TLK2: variants seen among roughly 807,000 people sequenced by gnomAD.
The protein encoded by TLK2 is tousled like kinase 2.
TLK2 carries 6 observed loss-of-function variants against 117.3 expected under a neutral mutation model. The ratio of observed to expected loss-of-function variants is 0.05; its 90% CI spans 0.03 to 0.10. TLK2 has a LOEUF of 0.10. TLK2 is among the 10% of genes least tolerant of loss of function. The pLI, the probability that TLK2 is intolerant of heterozygous loss-of-function variation, is 1.00. For synonymous variants in TLK2, 257 were observed against 316.7 expected (o/e 0.81, Z 2.00); for missense variants, 299 against 901.2 (o/e 0.33, Z 8.56).
At position 62,565,148 on chromosome 17, in the gene TLK2, T is replaced by G. The variant is rs200243291; in HGVS notation, c.968+11T>G. On this transcript the variant is annotated intron_variant, in intron 11 of 21. Coordinates refer to ENST00000346027, the MANE Select transcript of TLK2 (RefSeq NM_006852.6). ...TCAGAATCTTATCAAGTAAGTGAAT[T>G]GTTATGATTAAATGGAGAATTGAAA... The G allele has an allele frequency of 2.3e-5, 37 of 1,594,580 alleles. No homozygotes were observed. Among genetic ancestry groups the G allele is most frequent in the Non-Finnish European group, 2.5e-5 (29 of 1,174,958 alleles).
At chr17:62,561,538 GTACTTCC>G (rs2079277041) in intron 10 of TLK2, among the ~76,000 whole-genome samples, 1 of 152,194 alleles carries the variant, frequency 6.6e-6, no homozygotes, top group African/African-American at 2.4e-5. Flanking sequence ...TAAGAAGACA[GTACTTCC>G]TAATGACAAT....
intron 6 of TLK2, among the ~76,000 whole-genome samples, chr17:62,525,417 G>A (rs1292778246): frequency 3.3e-5 from 5 of 151,658 alleles, no homozygotes. Context: ...AGAAGTTTTG[G>A]CTATTACTGT....
At chr17:62,527,932 G>A (rs1272575618) in intron 6 of TLK2, among the ~76,000 whole-genome samples, 5 of 151,916 alleles carry the variant, frequency 3.3e-5, no homozygotes, top group South Asian at 2.1e-4. Flanking sequence ...TAGTAGAGAC[G>A]GGGTTTCACC....
chr17:62,602,567 TTTGTCTCAAGAG>T (rs1391487780), intron 19 of TLK2, among the ~76,000 whole-genome samples: 3 of 152,096 alleles, frequency 2.0e-5, no homozygotes, highest in African/African-American at 7.2e-5. Flanking sequence ...GGATAAGGGA[TTTGTCTCAAGAG>T]TTGCCTGAGG....
chr17:62,592,212 G>A (rs924020882), intron 16 of TLK2, among the ~76,000 whole-genome samples: 1 of 151,962 alleles, frequency 6.6e-6, no homozygotes, highest in Non-Finnish European at 1.5e-5. Flanking sequence ...GCCCACCTCA[G>A]CCTCCCAAAG....
chr17:62,574,914 A>G (rs1205942880), intron 12 of TLK2, among the ~76,000 whole-genome samples: 1 of 152,222 alleles, frequency 6.6e-6, no homozygotes, highest in East Asian at 1.9e-4. Flanking sequence ...TGAGTCTTAA[A>G]TATAAAGTAT....
intron 2 of TLK2, among the ~76,000 whole-genome samples, chr17:62,509,174 G>A (rs1409195918): frequency 6.6e-6 from 1 of 151,924 alleles, no homozygotes; most frequent in Non-Finnish European, 1.5e-5. Context: ...CTGCAGCCTC[G>A]ACCTCCTGGG....
At chr17:62,603,857 T>C (rs1165778343) in intron 19 of TLK2, among the ~76,000 whole-genome samples, 1 of 152,190 alleles carries the variant, frequency 6.6e-6, no homozygotes, top group Non-Finnish European at 1.5e-5. Flanking sequence ...GTAGAAATAC[T>C]GTCATAATCA....
intron 19 of TLK2, among the ~76,000 whole-genome samples, chr17:62,604,104 A>G (rs1027126975): frequency 6.6e-6 from 1 of 151,878 alleles, no homozygotes; most frequent in Admixed American, 6.6e-5. Flanking sequence ...TCCCGAGTTC[A>G]AGTGATTCTC....
At chr17:62,549,910 T>TCCACCTG (rs1293228647) in intron 7 of TLK2, 3 of 151,272 alleles carry the variant, frequency 2.0e-5, no homozygotes, top group Non-Finnish European at 2.9e-5. Context: ...TCTTAGCTGA[T>TCCACCTG]CCACCTGCCT....
At chr17:62,540,416 T>TTTTTTTTTTTTTTTTTTTTTTTTTTC (rs2077445739) in intron 7 of TLK2, among the ~76,000 whole-genome samples, 1 of 105,934 alleles carries the variant, frequency 9.4e-6, no homozygotes, top group Non-Finnish European at 1.9e-5. Flanking sequence ...TTTTTTTTTT[T>TTTTTTTTTTTTTTTTTTTTTTTTTTC]TTTTTTTGAG....
rs559982057 is a variant in TLK2 at position 62,592,703 on chromosome 17, A to G, written c.1461-3882A>G. ...ACCGGGGACAGGGGGAGATGGTTTC[A>G]GGATGATTCAAGCGCATTACATTTG... is the stretch of plus-strand genomic sequence containing the variant. On this transcript the variant is annotated intron_variant, in intron 16 of 21. Transcript: ENST00000346027. Among the ~76,000 whole-genome samples, 21 of 152,352 alleles carry G rather than the reference A, an allele frequency of 1.4e-4. No individual in the cohort carries two copies. The South Asian group carries it at 2.1e-3, about 15-fold the overall frequency.
Position 62,591,445 on chromosome 17 carries a change from C to G in TLK2, c.1461-5140C>G, listed in dbSNP as rs949208582. Among the ~76,000 whole-genome samples the G allele has an allele frequency of 2.6e-5, 4 of 152,042 alleles. No individual in the cohort carries two copies. The Middle Eastern group carries it at 0.01, about 391-fold the overall frequency. On this transcript the variant is annotated intron_variant, in intron 16 of 21. Transcript: ENST00000346027. ...ATTTGCTGAGTGTCTGCAGCAAGCTCACTTCAAAACATCCAGTCCAGTGGT... is the reference window on the plus strand; with the variant it reads ...ATTTGCTGAGTGTCTGCAGCAAGCTGACTTCAAAACATCCAGTCCAGTGGT...
chr17:62,487,268 G>T (rs1310538250), intron 2 of TLK2, among the ~76,000 whole-genome samples: 2 of 151,514 alleles, frequency 1.3e-5, no homozygotes, highest in African/African-American at 4.9e-5. Flanking sequence ...CTCCAGCCTG[G>T]GCGACAGAGC....
intron 2 of TLK2, among the ~76,000 whole-genome samples, chr17:62,491,517 A>G (rs1466855823): frequency 6.6e-6 from 1 of 152,074 alleles, no homozygotes; most frequent in African/African-American, 2.4e-5. Context: ...CCTGGCTACT[A>G]CTAGATGTGA....
At chr17:62,563,343 C>T (rs1856547048) in intron 10 of TLK2, among the ~76,000 whole-genome samples, 2 of 152,106 alleles carry the variant, frequency 1.3e-5, no homozygotes, top group South Asian at 4.1e-4. Flanking sequence ...ACTCAGGAGG[C>T]TGAGGTGGGA....
intron 2 of TLK2, among the ~76,000 whole-genome samples, chr17:62,497,804 C>T (rs1310998197): frequency 6.6e-6 from 1 of 152,198 alleles, no homozygotes; most frequent in Non-Finnish European, 1.5e-5. Context: ...AAGTGATTCT[C>T]CTACTTCAGC....
At chr17:62,556,988 C>A (rs554797228) in intron 9 of TLK2, among the ~76,000 whole-genome samples, 4 of 152,196 alleles carry the variant, frequency 2.6e-5, no homozygotes, top group Non-Finnish European at 5.9e-5. Context: ...GCAGTGGCAC[C>A]GTCATGGCTC....
chr17:62,583,204 G>T (rs2081342636), intron 15 of TLK2, among the ~76,000 whole-genome samples: 1 of 152,092 alleles, frequency 6.6e-6, no homozygotes, highest in African/African-American at 2.4e-5. Flanking sequence ...TGATTCTGCT[G>T]CCTCAGCCTC....
Sources: gnomAD v4.1 joint callset for allele counts (sites outside exome capture counted in the v4.1 genomes callset) on GRCh38, gnomAD v4.1.1 for gene constraint, MANE v1.5 for transcripts, NCBI Gene and HGNC (gene_info 2026-07-23, HGNC 2026-07-21) for gene names.